The following FBXO25 variants were observed in gnomAD, a reference collection of about 807,000 sequenced individuals.
The protein encoded by FBXO25 is F-box only protein 25.
FBXO25 carries 45 observed loss-of-function variants against 51.9 expected under a neutral mutation model. That is an observed-to-expected ratio of 0.87 (90% confidence interval 0.68 to 1.11). The LOEUF is 1.11. Among genes scored for constraint, FBXO25 ranks in the 50% most tolerant of loss-of-function variants. The pLI, the probability that FBXO25 is intolerant of heterozygous loss-of-function variation, is 0.00. For synonymous variants in FBXO25, 199 were observed against 151.0 expected, an observed-to-expected ratio of 1.32 and a Z score of -2.33; for missense variants, 507 against 428.5, an observed-to-expected ratio of 1.18 and a Z score of -1.62.
chr8:429,195 C>T (rs1282912071), intron 2 of FBXO25, among the ~76,000 whole-genome samples: 3 of 151,270 alleles, frequency 2.0e-5, no homozygotes, highest in African/African-American at 4.9e-5. Flanking sequence ...ACATGCATGT[C>T]AACACTTGTT....
At chr8:455,988 T>C (rs997199687) in intron 7 of FBXO25, among the ~76,000 whole-genome samples, 27 of 152,232 alleles carry the variant, frequency 1.8e-4, no homozygotes, top group African/African-American at 5.8e-4. Flanking sequence ...ACTCTATAAC[T>C]CTACTAATCC....
rs533191352 is a variant in FBXO25 at position 477,278 on chromosome 8, T to C, written c.*8474T>C. On this transcript the variant is annotated 3_prime_UTR_variant, in exon 10 of 10. Transcript: ENST00000350302. ...TGCTGTTGTGTCTGTTAGGTCCAGC[T>C]GGTATGATGCTGTTCAAGTTCTGTC... The C allele has an allele frequency of 5.9e-5, 9 of 152,382 alleles. No homozygotes were observed. In the South Asian group the frequency reaches 1.9e-3, roughly 32 times the overall value. The allele number at this position is 152,382 out of a possible 1,614,324, so 9.4% of individuals were successfully genotyped here. A position where few individuals can be genotyped will look rare whatever the true frequency, so the allele number is the denominator to read the frequency against.
chr8:407,537 T>C, intron 1 of FBXO25: 1 of 734,686 alleles, frequency 1.4e-6, no homozygotes, highest in Non-Finnish European at 1.7e-6. Context: ...CCTGCCCACC[T>C]TCTGCGACCC....
chr8:443,221 A>G (rs906408648), intron 5 of FBXO25, among the ~76,000 whole-genome samples: 5 of 151,294 alleles, frequency 3.3e-5, no homozygotes, highest in Non-Finnish European at 7.4e-5. Flanking sequence ...AAGGCTCCTC[A>G]TTATACGGCA....
At chr8:455,768 G>C (rs544994416) in intron 7 of FBXO25, among the ~76,000 whole-genome samples, 1 of 152,336 alleles carries the variant, frequency 6.6e-6, no homozygotes, top group Admixed American at 6.5e-5. Context: ...TGATGGCAGA[G>C]AGCATGTAGC....
At chr8:410,801 A>G (rs1773345257) in intron 1 of FBXO25, among the ~76,000 whole-genome samples, 1 of 152,236 alleles carries the variant, frequency 6.6e-6, no homozygotes, top group Admixed American at 6.5e-5. Context: ...ATTTAAATTA[A>G]TCATTATGTG....
In FBXO25 at chr8:477,337, G is replaced by A. The variant is rs371343178; in HGVS notation, c.*8533G>A. On this transcript the variant is annotated 3_prime_UTR_variant, in exon 10 of 10. Transcript: ENST00000350302. ...GATCTTCTGTCTGGTTGTCCTATCCGTTACTGAAAGTGGGCTACTGCAGTC... is the reference window on the plus strand; with the variant it reads ...GATCTTCTGTCTGGTTGTCCTATCCATTACTGAAAGTGGGCTACTGCAGTC... 2 of 152,322 alleles carry A rather than the reference G, an allele frequency of 1.3e-5. No individual in the cohort carries two copies. The highest frequency in any genetic ancestry group is 2.1e-4 in the South Asian group (1 of 4,832). The allele number at this position is 152,322 out of a possible 1,614,324, so 9.4% of individuals were successfully genotyped here.
chr8:452,074 C>A (rs145850681), intron 7 of FBXO25, among the ~76,000 whole-genome samples: 1 of 152,240 alleles, frequency 6.6e-6, no homozygotes, highest in East Asian at 1.9e-4. Context: ...CTTACGTAGC[C>A]TTGGTGGTAT....
chr8:436,707 T>C (rs1367506279), intron 5 of FBXO25, among the ~76,000 whole-genome samples: 4 of 152,196 alleles, frequency 2.6e-5, no homozygotes, highest in South Asian at 2.1e-4. Context: ...CTCAGCCTTG[T>C]GGAAATTTTC....
In FBXO25 at chr8:471,621, C is replaced by T. The variant is rs949429398; in HGVS notation, c.*2817C>T. ...ATAGAATCTCCAGTCATTCTCGGAC[C>T]TGTTCTCAGTCTGCGCTGCTCACTC... On this transcript the variant is annotated 3_prime_UTR_variant, in exon 10 of 10. Transcript: ENST00000350302. The T allele has an allele frequency of 6.6e-6, 1 of 152,228 alleles. No individual in the cohort carries two copies. The highest frequency in any genetic ancestry group is 2.4e-5 in the African/African-American group (1 of 41,462). 9.4% of individuals were successfully genotyped at this position (152,228 alleles called of 1,614,324 possible).
chr8:463,048 A>G lies in FBXO25; in HGVS notation c.885A>G (p.Glu295=), dbSNP rs1799921343. 2 of 1,613,538 alleles carry G rather than the reference A, an allele frequency of 1.2e-6. No individual in the cohort carries two copies. The highest frequency in any genetic ancestry group is 2.2e-5 in the East Asian group (1 of 44,868). ...HLILSEKGHI[E]WKLMYFALQK... ...TCCTTTCAGAAAAAGGTCATATTGAATGGAAGTTGATGTACTTTGCACTTC... is the reference window on the plus strand; with the variant it reads ...TCCTTTCAGAAAAAGGTCATATTGAGTGGAAGTTGATGTACTTTGCACTTC... Residue 295 remains glutamate (E), a synonymous_variant, in exon 9 of 10, where the codon GAA becomes GAG. Coordinates refer to ENST00000350302, the MANE Select transcript of FBXO25 (RefSeq NM_183420.2).
intron 3 of FBXO25, 146 bp from the exon 4 acceptor site, chr8:432,739 GT>G (rs1797888569): frequency 1.0e-6 from 1 of 1,003,002 alleles, no homozygotes; most frequent in Non-Finnish European, 1.4e-6. Context: ...AAGCAATTCT[GT>G]TTGCATTCAC....
At chr8:421,273 C>A (rs542671136) in intron 2 of FBXO25, among the ~76,000 whole-genome samples, 1 of 152,346 alleles carries the variant, frequency 6.6e-6, no homozygotes, top group South Asian at 2.1e-4. Context: ...AAACCATCCC[C>A]CCTCCTCGCC....
At chr8:411,665 A>G (rs1242353204) in intron 1 of FBXO25, among the ~76,000 whole-genome samples, 2 of 152,086 alleles carry the variant, frequency 1.3e-5, no homozygotes, top group Non-Finnish European at 1.5e-5. Context: ...ATTTTCTTGG[A>G]GGAAAACAGA....
intron 1 of FBXO25, among the ~76,000 whole-genome samples, chr8:412,681 C>T (rs1796553981): frequency 6.6e-6 from 1 of 152,252 alleles, no homozygotes; most frequent in African/African-American, 2.4e-5. Context: ...CCAAACTGAA[C>T]TACTTAGAGT....
rs749722619 is a variant in FBXO25 at position 451,287 on chromosome 8, A to G, written c.494A>G (p.Asn165Ser). 3.7e-6 allele frequency: 6 copies of G among 1,609,276 alleles called. No individual in the cohort carries two copies. The highest frequency in any genetic ancestry group is 1.1e-5 in the South Asian group (1 of 89,920). The change falls in exon 7 of 10, where the codon AAT becomes AGT. Residue 165 changes from asparagine to serine, a missense_variant. Transcript: ENST00000350302. ...ATTCCAGTTCTTGATGACCACCACAATCCTCGCTTAATCAAAGATCTTCTG... is the reference window on the plus strand; with the variant it reads ...ATTCCAGTTCTTGATGACCACCACAGTCCTCGCTTAATCAAAGATCTTCTG... ...IVQKVLDDHHNPRLIKDLLQD... is the reference protein window; with the variant it reads ...IVQKVLDDHHSPRLIKDLLQD...
chr8:450,132 T>C (rs1798989307), intron 6 of FBXO25, 49 bp downstream of exon 6: 2 of 1,395,498 alleles, frequency 1.4e-6, no homozygotes, highest in African/African-American at 1.4e-5. Flanking sequence ...ATTAGAAATT[T>C]GGTGCAAGGA....
At chr8:460,816 A>G (rs900915842) in intron 8 of FBXO25, among the ~76,000 whole-genome samples, 2 of 152,244 alleles carry the variant, frequency 1.3e-5, no homozygotes, top group African/African-American at 2.4e-5. Context: ...GAACAGGCTG[A>G]TAACGACTTT....
chr8:468,197 G>C (rs1800310043), intron 9 of FBXO25: 2 of 1,011,822 alleles, frequency 2.0e-6, no homozygotes, highest in Admixed American at 1.1e-4. Flanking sequence ...AGCATGGCCA[G>C]CTCCCTTGGA....
Sources: gnomAD v4.1 joint callset for allele counts (sites outside exome capture counted in the v4.1 genomes callset) on GRCh38, gnomAD v4.1.1 for gene constraint, MANE v1.5 for transcripts, NCBI Gene and HGNC (gene_info 2026-07-23, HGNC 2026-07-21) for gene names.